The following NUP214 variants were observed in gnomAD, a reference collection of about 807,000 sequenced individuals.
NUP214 encodes nucleoporin 214, also known as nuclear pore complex protein Nup214.
NUP214 carries 79 observed loss-of-function variants against 196.2 expected under a neutral mutation model. The ratio of observed to expected loss-of-function variants is 0.40; its 90% CI spans 0.34 to 0.49. The LOEUF (loss-of-function observed/expected upper bound fraction) is 0.49. NUP214 is among the 20% of genes least tolerant of loss of function. The pLI is 0.58. For synonymous variants in NUP214, 1,020 were observed against 990.5 expected, an observed-to-expected ratio of 1.03 and a Z score of -0.56; for missense variants, 2,468 against 2,539.0, an observed-to-expected ratio of 0.97 and a Z score of 0.60.
intron 17 of NUP214, among the ~76,000 whole-genome samples, chr9:131,156,503 T>C (rs545719160): frequency 1.8e-4 from 28 of 152,134 alleles, no homozygotes; most frequent in Non-Finnish European, 3.8e-4. Context: ...TCAGCAGTGT[T>C]TTGTAGTTTT....
chr9:131,193,349 T>C (rs754971046), intron 27 of NUP214, among the ~76,000 whole-genome samples: 142 of 152,316 alleles, frequency 9.3e-4, no homozygotes, highest in Admixed American at 2.7e-3. Flanking sequence ...TTCTTCAGTT[T>C]ATGCTTTTGT....
chr9:131,143,239 A>T (rs558705773), intron 11 of NUP214, among the ~76,000 whole-genome samples: 8 of 151,882 alleles, frequency 5.3e-5, no homozygotes, highest in Admixed American at 3.9e-4. Flanking sequence ...AAACTCCTGG[A>T]CTCAAAGGGT....
In NUP214 at chr9:131,175,597, C is replaced by T. The variant is rs1303316975; in HGVS notation, c.3295C>T (p.Arg1099Trp). Residue 1099 changes from arginine (R) to tryptophan (W), a missense_variant, in exon 23 of 36, where the codon CGG (arginine) becomes TGG (tryptophan). Arg to Trp is a moderately radical substitution (Grantham distance 101). Around this residue, in one of 5 missense-constraint regions of NUP214, gnomAD observed 1,801 missense variants for 1,779.4 expected, o/e 1.01. Transcript: ENST00000359428. ...GGCAGCTGCCGCAGCAGCACTCAGG[C>T]GGCAGATGGCCAGTCAGGCACCAGG... The part of the protein sequence containing the change: ...PQAAAAAALR[R>W]QMASQAPAVN... The T allele has an allele frequency of 6.8e-6, 11 of 1,614,050 alleles. No homozygotes were observed. Among genetic ancestry groups the T allele is most frequent in the Admixed American group, 1.7e-5 (1 of 60,006 alleles).
intron 9 of NUP214, among the ~76,000 whole-genome samples, chr9:131,138,226 CCG>C: frequency 6.6e-6 from 1 of 150,984 alleles, no homozygotes; most frequent in East Asian, 2.0e-4. Context: ...CTCCTCCCCT[CCG>C]CTCTCCTCCC....
rs1230079867 is a variant in NUP214, at chr9:131,144,272, C to T, written c.1295-8C>T. ...TTAACATTTTCCTTCCTTTTTTTGT[C>T]ACTGCAGGAAGTACTCCCACTACCC... On this transcript the variant is annotated splice_polypyrimidine_tract_variant and splice_region_variant and intron_variant, in intron 11 of 35. Transcript: ENST00000359428. 1.3e-6 allele frequency: 2 copies of T among 1,588,842 alleles called. No individual in the cohort carries two copies. Among genetic ancestry groups the T allele is most frequent in the Non-Finnish European group, 8.6e-7 (1 of 1,166,562 alleles).
Position 131,233,460 on chromosome 9 carries a change from C to CCTTG in NUP214, c.6247_6248insTTGC (p.Gln2083LeufsTer103). On this transcript the variant is annotated frameshift_variant, in exon 36 of 36. Transcript: ENST00000359428. LOFTEE classifies it high-confidence loss of function. ...GTCCTGTGCTTCCTTGCAGGTCTGTCCAGGGTTTTGGTGGCTGGCGAAGCT... is the reference window on the plus strand; with the variant it reads ...GTCCTGTGCTTCCTTGCAGGTCTGTCCTTGCAGGGTTTTGGTGGCTGGCGAAGCT... The CCTTG allele has an allele frequency of 6.2e-7, 1 of 1,612,948 alleles. No homozygotes were observed. Among genetic ancestry groups the CCTTG allele is most frequent in the East Asian group, 2.2e-5 (1 of 44,854 alleles).
chr9:131,151,796 G>A lies in NUP214; in HGVS notation c.2338G>A (p.Glu780Lys). ...TTTACTTGAGGGCTTTGCTGGTGTT[G>A]AGGAAGCCAGAGAACAAAATGAAAG... ...TTLLEGFAGV[E>K]EAREQNERNR... is the part of the protein sequence containing the mutation. The change falls in exon 17 of 36, where the codon GAG becomes AAG. Residue 780 changes from glutamate (E) to lysine (K), a missense_variant. This residue lies in a region of NUP214 where 1,801 missense variants were observed against 1,779.4 expected (regional missense o/e 1.01). Coordinates refer to ENST00000359428, the MANE Select transcript of NUP214 (RefSeq NM_005085.4). 1 of 1,613,688 alleles carries A rather than the reference G, an allele frequency of 6.2e-7. No individual in the cohort carries two copies. Among genetic ancestry groups the A allele is most frequent in the Non-Finnish European group, 8.5e-7 (1 of 1,179,910 alleles).
chr9:131,145,851 T>C (rs1186676253), intron 12 of NUP214, among the ~76,000 whole-genome samples: 6 of 152,234 alleles, frequency 3.9e-5, no homozygotes, highest in Admixed American at 3.9e-4. Context: ...TTTCATATCA[T>C]GATAAACTTG....
At chr9:131,228,574 G>C (rs1303774084) in intron 33 of NUP214, 1 of 380,644 alleles carries the variant, frequency 2.6e-6, no homozygotes, top group Middle Eastern at 6.8e-4. Flanking sequence ...GAGAAATGCT[G>C]GTCATCAGAG....
intron 18 of NUP214, among the ~76,000 whole-genome samples, chr9:131,160,981 C>T (rs1832614396): frequency 6.6e-6 from 1 of 152,204 alleles, no homozygotes; most frequent in African/African-American, 2.4e-5. Context: ...ACAAGGGAAA[C>T]AATGGTCTAA....
At chr9:131,224,054 A>G (rs1305028244) in intron 32 of NUP214, among the ~76,000 whole-genome samples, 1 of 152,012 alleles carries the variant, frequency 6.6e-6, no homozygotes, top group Non-Finnish European at 1.5e-5. Context: ...TTTATTTTTA[A>G]TTGAAGTATA....
At position 131,172,882 on chromosome 9, in the gene NUP214, G is replaced by A. The variant is rs117436355; in HGVS notation, c.2894-1173G>A. Among the ~76,000 whole-genome samples, 396 of 152,122 alleles carry A rather than the reference G, an allele frequency of 2.6e-3. 2 individuals are homozygous for A. Among genetic ancestry groups the A allele is most frequent in the Middle Eastern group, 0.01 (3 of 294 alleles). ...AGCCATTTTAAATAACTTGGGGAGGGAAGAAAAAGGGCTAGATTATTTTGT... is the reference window on the plus strand; with the variant it reads ...AGCCATTTTAAATAACTTGGGGAGGAAAGAAAAAGGGCTAGATTATTTTGT... On this transcript the variant is annotated intron_variant, in intron 21 of 35. Transcript: ENST00000359428.
intron 30 of NUP214, among the ~76,000 whole-genome samples, chr9:131,204,421 G>C (rs528524401): frequency 2.6e-5 from 4 of 152,344 alleles, no homozygotes; most frequent in African/African-American, 9.6e-5. Flanking sequence ...GAATGTGGTA[G>C]TCAGCGTTTC....
chr9:131,219,924 T>A (rs1834511591), intron 31 of NUP214, among the ~76,000 whole-genome samples: 1 of 152,214 alleles, frequency 6.6e-6, no homozygotes, highest in African/African-American at 2.4e-5. Flanking sequence ...TGCAGGATGA[T>A]ATGGGGCCTG....
chr9:131,146,033 A>C lies in NUP214; in HGVS notation c.1770-96A>C. The C allele has an allele frequency of 8.5e-7, 1 of 1,171,700 alleles. No homozygotes were observed. Among genetic ancestry groups the C allele is most frequent in the Non-Finnish European group, 1.2e-6 (1 of 824,974 alleles). The allele number at this position is 1,171,700 out of a possible 1,614,324, so 72.6% of individuals were successfully genotyped here. On this transcript the variant is annotated intron_variant, in intron 12 of 35. Coordinates refer to ENST00000359428, the MANE Select transcript of NUP214 (RefSeq NM_005085.4). The surrounding 1 kb of genome is among the most constrained non-coding windows in gnomAD (Gnocchi z 4.6). ...TATGTTATCTTTGTAAGTTAACATA[A>C]AAGATAATAAGTTATCTTTTGATGA...
chr9:131,229,861 C>T (rs1834827941), intron 33 of NUP214: 1 of 455,356 alleles, frequency 2.2e-6, no homozygotes, highest in Admixed American at 2.4e-5. Context: ...GTTTTAGATA[C>T]TTTTTCTTGC....
chr9:131,125,807 C>T lies in NUP214; in HGVS notation c.45+58C>T, dbSNP rs375749311. Reference sequence around the variant, plus strand: ...TTAGTCCTGGCGTTGCCTTGGAGCCCAGCTGAAAGGCGAAGCGCGGTGCTG... The same window carrying T: ...TTAGTCCTGGCGTTGCCTTGGAGCCTAGCTGAAAGGCGAAGCGCGGTGCTG... On this transcript the variant is annotated intron_variant, in intron 1 of 35. Transcript: ENST00000359428. This position sits in a 1 kb window ranked among gnomAD's most constrained non-coding sequence, Gnocchi z 4.1. 6.5e-7 allele frequency: 1 copy of T among 1,537,378 alleles called. No homozygotes were observed. Among genetic ancestry groups the T allele is most frequent in the Non-Finnish European group, 8.8e-7 (1 of 1,135,618 alleles).
intron 24 of NUP214, among the ~76,000 whole-genome samples, chr9:131,183,932 G>A (rs1234636776): frequency 6.6e-6 from 1 of 150,810 alleles, no homozygotes; most frequent in Admixed American, 6.6e-5. Context: ...AACCTTTTCA[G>A]CTTAATCATG....
chr9:131,230,950 C>T (rs149334685), intron 34 of NUP214, among the ~76,000 whole-genome samples, 181 bp downstream of exon 34: 28 of 152,206 alleles, frequency 1.8e-4, no homozygotes, highest in African/African-American at 6.7e-4. Context: ...CACTTGAGCC[C>T]AGGAGTTTGA....
Sources: gnomAD v4.1 joint callset for allele counts (sites outside exome capture counted in the v4.1 genomes callset) on GRCh38, gnomAD v4.1.1 for gene constraint, gnomAD v4.1.1 regional missense constraint, Gnocchi (gnomAD v3.1) non-coding constraint, MANE v1.5 for transcripts, NCBI Gene and HGNC (gene_info 2026-07-23, HGNC 2026-07-21) for gene names.